Variants in SNX9 observed in about 807,000 individuals in gnomAD.
The protein encoded by SNX9 is sorting nexin-9.
In SNX9, 44 loss-of-function variants were observed where a neutral mutation model predicts 89.4. That is an observed-to-expected ratio of 0.49 (90% CI 0.39 to 0.63). The LOEUF is 0.63. SNX9 is among the 30% of genes least tolerant of loss of function. The pLI, the probability that SNX9 is intolerant of heterozygous loss-of-function variation, is 0.00. For synonymous variants in SNX9, 236 were observed against 247.8 expected, an observed-to-expected ratio of 0.95 and a Z score of 0.45; for missense variants, 578 against 736.1, an observed-to-expected ratio of 0.79 and a Z score of 2.49.
chr6:157,874,199 C>G (rs911178695), intron 3 of SNX9: 3 of 152,290 alleles, frequency 2.0e-5, no homozygotes, highest in African/African-American at 7.2e-5. Context: ...CTCAGAGAAT[C>G]CGATGCAATC....
chr6:157,932,255 G>C lies in SNX9; in HGVS notation c.1349G>C (p.Ser450Thr), dbSNP rs763522184. The C allele has an allele frequency of 1.9e-6, 3 of 1,614,162 alleles. No individual in the cohort carries two copies. Among genetic ancestry groups the C allele is most frequent in the South Asian group, 2.2e-5 (2 of 91,090 alleles). Reference protein sequence around the residue: ...KALQSLATVFSSSGYQGETDL... With the variant: ...KALQSLATVFTSSGYQGETDL... ...TTGCAGAGTTTGGCCACAGTGTTCA[G>C]TTCCAGTGGCTATCAAGGTGCGTCT... Residue 450 changes from serine (S) to threonine (T), a missense_variant, in exon 13 of 18, where the codon AGT (serine) becomes ACT (threonine). Ser to Thr is a moderately conservative substitution (Grantham distance 58). Around this residue, in one of 2 missense-constraint regions of SNX9, gnomAD observed 348 missense variants for 491.4 expected, o/e 0.71. Transcript: ENST00000392185.
chr6:157,870,329 TGCGCTC>T (rs1051336590), intron 2 of SNX9, among the ~76,000 whole-genome samples: 3 of 149,972 alleles, frequency 2.0e-5, no homozygotes, highest in African/African-American at 7.4e-5. Flanking sequence ...CTCTCTCACC[TGCGCTC>T]ACACTCACAC....
intron 9 of SNX9, among the ~76,000 whole-genome samples, chr6:157,916,197 G>A (rs1022264930): frequency 6.6e-6 from 1 of 151,948 alleles, no homozygotes; most frequent in African/African-American, 2.4e-5. Context: ...ACCACGCCCT[G>A]CTAATTTTTT....
chr6:157,863,002 G>A (rs1782176855), intron 1 of SNX9, among the ~76,000 whole-genome samples: 1 of 152,212 alleles, frequency 6.6e-6, no homozygotes, highest in Non-Finnish European at 1.5e-5. Flanking sequence ...CCTTCAAACA[G>A]GACACTGTTT....
In SNX9 at chr6:157,927,102, C is replaced by T. The variant is rs1488756109; in HGVS notation, c.1081-9C>T. 1.9e-6 allele frequency: 3 copies of T among 1,609,388 alleles called. No homozygotes were observed. The highest frequency in any genetic ancestry group is 2.6e-6 in the Non-Finnish European group (3 of 1,175,696). On this transcript the variant is annotated splice_polypyrimidine_tract_variant and intron_variant, in intron 10 of 17. Coordinates refer to ENST00000392185, the MANE Select transcript of SNX9 (RefSeq NM_016224.5). ...CTCCACTTGAACCTTACAACATTCTCATTTACAGGAATGGAAAACTGGAAA... is the reference window on the plus strand; with the variant it reads ...CTCCACTTGAACCTTACAACATTCTTATTTACAGGAATGGAAAACTGGAAA...
intron 1 of SNX9, among the ~76,000 whole-genome samples, chr6:157,840,896 C>T (rs1006311765): frequency 1.3e-5 from 2 of 152,114 alleles, no homozygotes; most frequent in South Asian, 4.1e-4. Context: ...TTGGCTGTTA[C>T]CGTTATGCTG....
intron 1 of SNX9, among the ~76,000 whole-genome samples, chr6:157,856,072 A>G (rs920765907): frequency 4.6e-5 from 7 of 152,096 alleles, no homozygotes; most frequent in Admixed American, 2.6e-4. Context: ...TATCTTGTTT[A>G]TGTTGGCTGT....
intron 9 of SNX9, among the ~76,000 whole-genome samples, chr6:157,918,566 T>C (rs1783520561): frequency 6.6e-6 from 1 of 152,156 alleles, no homozygotes; most frequent in Non-Finnish European, 1.5e-5. Context: ...AATCTCTGCT[T>C]TTGATTGGGG....
At chr6:157,936,453 G>A (rs1489806183) in intron 14 of SNX9, among the ~76,000 whole-genome samples, 2 of 152,292 alleles carry the variant, frequency 1.3e-5, no homozygotes, top group Non-Finnish European at 2.9e-5. Flanking sequence ...AGGCTGCAGT[G>A]AGCCATGATC....
intron 1 of SNX9, among the ~76,000 whole-genome samples, chr6:157,851,344 G>T (rs1023099861): frequency 2.0e-5 from 3 of 151,750 alleles, no homozygotes; most frequent in Non-Finnish European, 4.4e-5. Flanking sequence ...AAAAATAGTG[G>T]TAAAAATACA....
chr6:157,847,174 C>G (rs1421999925), intron 1 of SNX9, among the ~76,000 whole-genome samples: 1 of 152,194 alleles, frequency 6.6e-6, no homozygotes, highest in East Asian at 1.9e-4. Context: ...ATGATACCAG[C>G]TCACTGCAGC....
rs548641946 is a variant in SNX9 at position 157,865,285 on chromosome 6, G to C, written c.13-2262G>C. ...ACCCAGGAGGCAGAGGTTGCAGTGAGCCCAAATGGCATCACTGCACTCCAG... is the reference window on the plus strand; with the variant it reads ...ACCCAGGAGGCAGAGGTTGCAGTGACCCCAAATGGCATCACTGCACTCCAG... On this transcript the variant is annotated intron_variant, in intron 1 of 17. Coordinates refer to ENST00000392185, the MANE Select transcript of SNX9 (RefSeq NM_016224.5). 3.4e-5 allele frequency among the ~76,000 whole-genome samples: 5 copies of C among 148,308 alleles called. No individual in the cohort carries two copies. The Admixed American group carries it at 3.4e-4, about 10-fold the overall frequency.
chr6:157,919,455 T>C (rs1783538804), intron 9 of SNX9, among the ~76,000 whole-genome samples: 1 of 144,178 alleles, frequency 6.9e-6, no homozygotes, highest in African/African-American at 2.6e-5. Context: ...CACTAGGTGT[T>C]TTTTTTCTTC....
At chr6:157,917,042 T>A (rs1350592723) in intron 9 of SNX9, among the ~76,000 whole-genome samples, 1 of 152,192 alleles carries the variant, frequency 6.6e-6, no homozygotes, top group Non-Finnish European at 1.5e-5. Context: ...TGGAGTGTTC[T>A]TTGTGGGGAG....
intron 9 of SNX9, among the ~76,000 whole-genome samples, chr6:157,912,213 T>C (rs1471603688): frequency 2.0e-5 from 3 of 152,258 alleles, no homozygotes; most frequent in Admixed American, 2.0e-4. Flanking sequence ...GTCTATTTCC[T>C]TGAATTTTGT....
rs1782448516 is a variant in SNX9 at position 157,873,098 on chromosome 6, T to C, written c.100-4T>C. Reference sequence around the variant, plus strand: ...TTTTTTTTTTTTTTTTGGTGACTTATTAGGATGTAGGTGGAGGATGGCTGG... The same window carrying C: ...TTTTTTTTTTTTTTTTGGTGACTTACTAGGATGTAGGTGGAGGATGGCTGG... On this transcript the variant is annotated splice_region_variant and splice_polypyrimidine_tract_variant and intron_variant, in intron 2 of 17. Transcript: ENST00000392185. 4 of 1,573,288 alleles carry C rather than the reference T, an allele frequency of 2.5e-6. No individual in the cohort carries two copies. The highest frequency in any genetic ancestry group is 1.2e-5 in the South Asian group (1 of 82,896).
At chr6:157,936,145 T>A in intron 14 of SNX9, 105 bp downstream of exon 14, 1 of 758,936 alleles carries the variant, frequency 1.3e-6, no homozygotes, top group Non-Finnish European at 2.1e-6. Flanking sequence ...AGTACCCTCT[T>A]CTTTTCTGTT....
chr6:157,936,485 G>C (rs1234865243), intron 14 of SNX9, among the ~76,000 whole-genome samples: 1 of 152,112 alleles, frequency 6.6e-6, no homozygotes, highest in Non-Finnish European at 1.5e-5. Flanking sequence ...CTCCAGCCTG[G>C]GTGACAGAGC....
chr6:157,859,586 ATGT>A (rs1782077727), intron 1 of SNX9, among the ~76,000 whole-genome samples: 2 of 152,218 alleles, frequency 1.3e-5, no homozygotes, highest in Admixed American at 6.5e-5. Context: ...CTGTAGAAAA[ATGT>A]TACTTTCGTA....
Sources: allele counts gnomAD v4.1 joint callset (sites outside exome capture counted in the v4.1 genomes callset), GRCh38; gene constraint gnomAD v4.1.1; regional missense constraint gnomAD v4.1.1; transcripts MANE v1.5; gene names NCBI Gene and HGNC (gene_info 2026-07-23, HGNC 2026-07-21).